The following MARCHF1 variants were observed in gnomAD, a reference collection of about 807,000 sequenced individuals.
MARCHF1 encodes membrane associated ring-CH-type finger 1, also known as E3 ubiquitin-protein ligase MARCHF1.
MARCHF1 carries 40 observed loss-of-function variants against 54.2 expected under a neutral mutation model. That is an observed-to-expected ratio of 0.74 (90% confidence interval 0.57 to 0.96). The LOEUF (loss-of-function observed/expected upper bound fraction) is 0.96. MARCHF1 is among the 40% of genes least tolerant of loss of function. The probability of loss-of-function intolerance (pLI) is 0.00; values close to 1 mark genes in which losing one functional copy is unlikely to be tolerated. For synonymous variants in MARCHF1, 236 were observed against 236.3 expected, an observed-to-expected ratio of 1.00 and a Z score of 0.01; for missense variants, 586 against 656.5, an observed-to-expected ratio of 0.89 and a Z score of 1.17.
At chr4:163,801,351 GA>G (rs1748076438) in intron 4 of MARCHF1, among the ~76,000 whole-genome samples, 1 of 151,684 alleles carries the variant, frequency 6.6e-6, no homozygotes, top group African/African-American at 2.4e-5. Context: ...GCCAAGAACA[GA>G]ATGTAATACT....
intron 4 of MARCHF1, among the ~76,000 whole-genome samples, chr4:163,757,687 G>A (rs1746716946): frequency 6.6e-6 from 1 of 152,174 alleles, no homozygotes; most frequent in Non-Finnish European, 1.5e-5. Flanking sequence ...TTCATAGCTT[G>A]AGAAGCAACT....
chr4:163,873,312 T>A (rs941289516), intron 3 of MARCHF1, among the ~76,000 whole-genome samples: 1 of 152,216 alleles, frequency 6.6e-6, no homozygotes, highest in Non-Finnish European at 1.5e-5. Flanking sequence ...GTATTCAAAA[T>A]GGAAAGTCTT....
At chr4:163,886,483 T>TA (rs571843171) in intron 3 of MARCHF1, among the ~76,000 whole-genome samples, 4 of 151,450 alleles carry the variant, frequency 2.6e-5, no homozygotes, top group African/African-American at 4.9e-5. Flanking sequence ...AGGCAGCTTG[T>TA]AAAAAAAATA....
At chr4:163,726,799 G>C (rs1239920892) in intron 4 of MARCHF1, among the ~76,000 whole-genome samples, 1 of 152,182 alleles carries the variant, frequency 6.6e-6, no homozygotes, top group Non-Finnish European at 1.5e-5. Flanking sequence ...CATTCTAACA[G>C]ATGTATAGTG....
rs537233828 is a variant in MARCHF1 at position 163,974,893 on chromosome 4, T to C, written c.-39+13608A>G. 1.8e-4 allele frequency among the ~76,000 whole-genome samples: 28 copies of C among 152,310 alleles called. No homozygotes were observed. In the East Asian group the frequency reaches 5.0e-3, roughly 27 times the overall value. ...GGTAAACTGAGTAAAGCAAATTCAC[T>C]TCACTAATATGAGTGGCCCTCATCC... On this transcript the variant is annotated intron_variant, in intron 3 of 9. Transcript: ENST00000514618.
intron 8 of MARCHF1, among the ~76,000 whole-genome samples, chr4:163,562,589 A>G (rs1002499944): frequency 6.7e-6 from 1 of 150,274 alleles, no homozygotes; most frequent in Non-Finnish European, 1.5e-5. Flanking sequence ...GTCTCATCAC[A>G]CTCTCCCAAT....
chr4:164,264,253 G>A (rs1248195026), intron 1 of MARCHF1, among the ~76,000 whole-genome samples: 5 of 152,074 alleles, frequency 3.3e-5, no homozygotes, highest in African/African-American at 7.2e-5. Flanking sequence ...ACCAAATACA[G>A]CATACTCTCA....
At chr4:163,708,389 A>C (rs1745012011) in intron 4 of MARCHF1, among the ~76,000 whole-genome samples, 1 of 152,082 alleles carries the variant, frequency 6.6e-6, no homozygotes, top group African/African-American at 2.4e-5. Flanking sequence ...GCCAGGGAAT[A>C]TATCTTTATA....
At chr4:164,155,970 T>C (rs951410705) in intron 1 of MARCHF1, among the ~76,000 whole-genome samples, 1 of 152,180 alleles carries the variant, frequency 6.6e-6, no homozygotes, top group Non-Finnish European at 1.5e-5. Context: ...TAATAAATCA[T>C]AATTTTCGGG....
intron 2 of MARCHF1, among the ~76,000 whole-genome samples, chr4:164,050,881 C>T (rs955379701): frequency 2.4e-4 from 37 of 152,044 alleles, no homozygotes; most frequent in Admixed American, 2.0e-3. Flanking sequence ...TGCGGTGAGC[C>T]GAGATTGTGC....
At chr4:163,744,569 T>A (rs1746301761) in intron 4 of MARCHF1, among the ~76,000 whole-genome samples, 1 of 152,206 alleles carries the variant, frequency 6.6e-6, no homozygotes, top group South Asian at 2.1e-4. Context: ...TGTGTAAGTG[T>A]CAAATAAATA....
chr4:164,136,730 G>A (rs1756410781), intron 1 of MARCHF1, among the ~76,000 whole-genome samples: 1 of 152,158 alleles, frequency 6.6e-6, no homozygotes, highest in Non-Finnish European at 1.5e-5. Flanking sequence ...GGCTTCCCAT[G>A]AACACACCTG....
At chr4:163,724,427 G>A (rs902918755) in intron 4 of MARCHF1, among the ~76,000 whole-genome samples, 2 of 152,242 alleles carry the variant, frequency 1.3e-5, no homozygotes, top group East Asian at 1.9e-4. Context: ...CTACTGGGGG[G>A]TGCCTCCCAG....
At chr4:163,699,981 A>C (rs1744756477) in intron 5 of MARCHF1, among the ~76,000 whole-genome samples, 1 of 145,086 alleles carries the variant, frequency 6.9e-6, no homozygotes, top group East Asian at 1.9e-4. Flanking sequence ...TTTTTAATCC[A>C]CTGACTCTAC....
At chr4:164,209,596 G>C (rs1731708575) in intron 1 of MARCHF1, among the ~76,000 whole-genome samples, 1 of 152,088 alleles carries the variant, frequency 6.6e-6, no homozygotes, top group Non-Finnish European at 1.5e-5. Context: ...CAGACTTATG[G>C]AGAAAAAGGA....
chr4:164,004,909 T>G (rs915781488), intron 2 of MARCHF1, among the ~76,000 whole-genome samples: 6 of 151,682 alleles, frequency 4.0e-5, no homozygotes, highest in Non-Finnish European at 1.5e-5. Flanking sequence ...CTAAAAGTGA[T>G]GATATAATAT....
chr4:163,993,070 G>A (rs1158601709), intron 2 of MARCHF1, among the ~76,000 whole-genome samples: 4 of 152,082 alleles, frequency 2.6e-5, no homozygotes, highest in South Asian at 2.1e-4. Context: ...TAAAGGAGAC[G>A]GAGAAGGAAC....
chr4:163,576,445 C>G (rs1740039198), intron 8 of MARCHF1, among the ~76,000 whole-genome samples: 1 of 151,960 alleles, frequency 6.6e-6, no homozygotes, highest in Admixed American at 6.6e-5. Flanking sequence ...ATTGAGACTT[C>G]TGCTTTATGG....
intron 4 of MARCHF1, among the ~76,000 whole-genome samples, chr4:163,746,309 G>A (rs1746357641): frequency 6.6e-6 from 1 of 152,090 alleles, no homozygotes; most frequent in African/African-American, 2.4e-5. Context: ...GTGCATTTAA[G>A]TTTCCTCTAT....
Sources: allele counts gnomAD v4.1 joint callset (sites outside exome capture counted in the v4.1 genomes callset), GRCh38; gene constraint gnomAD v4.1.1; transcripts MANE v1.5; gene names NCBI Gene and HGNC (gene_info 2026-07-23, HGNC 2026-07-21).